Variants in KIF20B observed in about 807,000 individuals in gnomAD.
KIF20B encodes kinesin-like protein KIF20B.
In KIF20B, 188 loss-of-function variants were observed where a neutral mutation model predicts 232.5. The observed-to-expected ratio is 0.81, with a 90% confidence interval of 0.72 to 0.91. The LOEUF (loss-of-function observed/expected upper bound fraction) is 0.91, where lower values mean the gene tolerates loss of function less well. Among genes scored for constraint, KIF20B ranks in the 40% least tolerant of loss-of-function variants. The probability of loss-of-function intolerance (pLI) is 0.00; values close to 1 mark genes in which losing one functional copy is unlikely to be tolerated. For synonymous variants in KIF20B, 712 were observed against 683.0 expected (o/e 1.04, Z -0.66); for missense variants, 2,154 against 2,055.9 (o/e 1.05, Z -0.92).
chr10:89,748,053 A>G (rs1007243464), intron 23 of KIF20B, among the ~76,000 whole-genome samples: 2 of 152,204 alleles, frequency 1.3e-5, no homozygotes, highest in African/African-American at 4.8e-5. Flanking sequence ...CTTGTCATCC[A>G]GGCTGGAGTG....
Position 89,709,341 on chromosome 10 carries a change from C to T in KIF20B, c.235-4C>T. 1 of 1,609,472 alleles carries T rather than the reference C, an allele frequency of 6.2e-7. No homozygotes were observed. Among genetic ancestry groups the T allele is most frequent in the East Asian group, 2.2e-5 (1 of 44,774 alleles). On this transcript the variant is annotated splice_polypyrimidine_tract_variant and splice_region_variant and intron_variant, in intron 3 of 32. Transcript: ENST00000371728. Reference sequence around the variant, plus strand: ...TTTTTATTTATTGGGGGTATGTTTTCTAGGGCTGTGTGCATATTCTGGATT... The same window carrying T: ...TTTTTATTTATTGGGGGTATGTTTTTTAGGGCTGTGTGCATATTCTGGATT...
Position 89,714,069 on chromosome 10 carries a change from A to G in KIF20B, c.698A>G (p.Asp233Gly). 1 of 1,459,354 alleles carries G rather than the reference A, an allele frequency of 6.9e-7. No homozygotes were observed. Among genetic ancestry groups the G allele is most frequent in the Middle Eastern group, 1.8e-4 (1 of 5,638 alleles). The allele number at this position is 1,459,354 out of a possible 1,614,324, so 90.4% of individuals were successfully genotyped here. Residue 233 changes from aspartate (D) to glycine (G), a missense_variant, in exon 7 of 33, where the codon GAT (aspartate) becomes GGT (glycine). Coordinates refer to ENST00000371728, the MANE Select transcript of KIF20B (RefSeq NM_001284259.2). ...IKEVTVHNDS[D>G]DTLYGSLTNS... ...TAGGTTACTGTGCATAATGATAGTG[A>G]TGATACTCTTTATGGTAAGGTTTCG...
At position 89,737,669 on chromosome 10, in the gene KIF20B, C is replaced by G; in HGVS notation, c.2828C>G (p.Ala943Gly). 1 of 1,612,406 alleles carries G rather than the reference C, an allele frequency of 6.2e-7. No individual in the cohort carries two copies. ...VQQIQSNYDIAIAELHVQKSK... is the reference protein window; with the variant it reads ...VQQIQSNYDIGIAELHVQKSK... ...CAAATTCAGTCAAATTATGATATTGCAATTGCTGAATTACATGTGCAGAAA... is the reference window on the plus strand; with the variant it reads ...CAAATTCAGTCAAATTATGATATTGGAATTGCTGAATTACATGTGCAGAAA... Residue 943 changes from alanine to glycine, a missense_variant, in exon 20 of 33, where the codon GCA becomes GGA. Physicochemically the swap from Ala to Gly is moderately conservative, Grantham distance 60. Coordinates refer to ENST00000371728, the MANE Select transcript of KIF20B (RefSeq NM_001284259.2).
At chr10:89,766,284 A>G (rs1046541188) in intron 29 of KIF20B, 1 of 152,500 alleles carries the variant, frequency 6.6e-6, no homozygotes, top group African/African-American at 2.4e-5. Flanking sequence ...CTCCTCCTCC[A>G]AAGGAATGCA....
intron 14 of KIF20B, 113 bp from the exon 15 acceptor site, chr10:89,724,907 A>G: frequency 9.7e-7 from 1 of 1,025,688 alleles, no homozygotes; most frequent in Non-Finnish European, 1.4e-6. Context: ...GAACCACTGT[A>G]CCTGGACTAA....
chr10:89,736,552 C>T (rs1354404581), intron 19 of KIF20B, among the ~76,000 whole-genome samples: 1 of 152,098 alleles, frequency 6.6e-6, no homozygotes, highest in Non-Finnish European at 1.5e-5. Context: ...ACTTACATTA[C>T]GTATTAACTC....
chr10:89,718,473 T>C (rs998845987), intron 11 of KIF20B, among the ~76,000 whole-genome samples: 1 of 152,220 alleles, frequency 6.6e-6, no homozygotes, highest in African/African-American at 2.4e-5. Context: ...ATTGTGCCAC[T>C]GTACTCCAGT....
In KIF20B at chr10:89,714,044, T is replaced by C. The variant is rs1165875306; in HGVS notation, c.676-3T>C. ...TAATTTTTTAAAACAATCTTTTTTT[T>C]AGGTTACTGTGCATAATGATAGTGA... is the stretch of plus-strand genomic sequence containing the variant. On this transcript the variant is annotated splice_polypyrimidine_tract_variant and splice_region_variant and intron_variant, in intron 6 of 32. Transcript: ENST00000371728. 15 of 1,395,262 alleles carry C rather than the reference T, an allele frequency of 1.1e-5. No homozygotes were observed. Among genetic ancestry groups the C allele is most frequent in the Non-Finnish European group, 1.5e-5 (15 of 1,033,480 alleles). 86.4% of individuals were successfully genotyped at this position (1,395,262 alleles called of 1,614,324 possible).
chr10:89,757,040 G>GTGTGTGTGTGTGTGTGTATATATATATA (rs1301847520), intron 26 of KIF20B, among the ~76,000 whole-genome samples: 5 of 110,748 alleles, frequency 4.5e-5, no homozygotes, highest in African/African-American at 1.3e-4. Flanking sequence ...GTGTGTGTGT[G>GTGTGTGTGTGTGTGTGTATATATATATA]TATATATATA....
intron 31 of KIF20B, among the ~76,000 whole-genome samples, chr10:89,771,859 G>T (rs956210214): frequency 6.6e-6 from 1 of 151,926 alleles, no homozygotes; most frequent in Non-Finnish European, 1.5e-5. Flanking sequence ...AGGAGCTGGT[G>T]CTTTCTCAGG....
intron 30 of KIF20B, 73 bp from the exon 31 acceptor site, chr10:89,768,665 A>G: frequency 7.3e-7 from 1 of 1,372,754 alleles, no homozygotes; most frequent in Non-Finnish European, 9.9e-7. Context: ...GGCCTCTTTA[A>G]TTCAGCTGTG....
At chr10:89,769,054 C>G (rs1169874302) in intron 31 of KIF20B, among the ~76,000 whole-genome samples, 166 bp downstream of exon 31, 1 of 151,828 alleles carries the variant, frequency 6.6e-6, no homozygotes, top group South Asian at 2.1e-4. Flanking sequence ...GATGATAGAT[C>G]TAGGTGTTCG....
intron 29 of KIF20B, among the ~76,000 whole-genome samples, chr10:89,764,587 T>G (rs1348211517): frequency 1.3e-5 from 2 of 152,162 alleles, no homozygotes; most frequent in Middle Eastern, 3.2e-3. Context: ...TGATGGCCAT[T>G]CTAACTGGTG....
intron 13 of KIF20B, 187 bp from the exon 14 acceptor site, chr10:89,723,777 C>T: frequency 4.1e-6 from 2 of 483,500 alleles, no homozygotes; most frequent in Non-Finnish European, 3.1e-6. Flanking sequence ...GTGGAAAGGC[C>T]AACCTGATTT....
At chr10:89,709,692 A>G (rs1021714767) in intron 4 of KIF20B, among the ~76,000 whole-genome samples, 34 of 151,776 alleles carry the variant, frequency 2.2e-4, no homozygotes, top group Non-Finnish European at 4.7e-4. Context: ...TTATTAATAT[A>G]TTTTTAAGAA....
chr10:89,736,895 C>G (rs1589866342), intron 19 of KIF20B, among the ~76,000 whole-genome samples: 1 of 152,066 alleles, frequency 6.6e-6, no homozygotes, highest in African/African-American at 2.4e-5. Context: ...TTTAACATGT[C>G]CCTTCTAATT....
intron 16 of KIF20B, 141 bp from the exon 17 acceptor site, chr10:89,727,715 T>C: frequency 3.0e-6 from 2 of 675,904 alleles, no homozygotes; most frequent in African/African-American, 1.9e-5. Flanking sequence ...ATGAGTAGGG[T>C]GTGCTTCTAG....
In KIF20B at chr10:89,731,652, G is replaced by A. The variant is rs530693636; in HGVS notation, c.2392-1251G>A. Among the ~76,000 whole-genome samples the A allele has an allele frequency of 8.4e-4, 128 of 152,260 alleles. 1 individual carries two copies. The highest frequency in any genetic ancestry group is 3.0e-3 in the African/African-American group (126 of 41,564). Reference sequence around the variant, plus strand: ...GAAGGATAGATTTTTGGTGAGGATTGTATATTTTGAAGCGGGGAAAAATGA... The same window carrying A: ...GAAGGATAGATTTTTGGTGAGGATTATATATTTTGAAGCGGGGAAAAATGA... On this transcript the variant is annotated intron_variant, in intron 18 of 32. Transcript: ENST00000371728.
chr10:89,767,339 AC>A (rs1564676704), intron 29 of KIF20B, among the ~76,000 whole-genome samples: 1 of 60,670 alleles, frequency 1.6e-5, no homozygotes, highest in Admixed American at 1.8e-4. Context: ...CTAGCCCCCC[AC>A]CCCCCGACAG....
Sources: gnomAD v4.1 joint callset for allele counts (sites outside exome capture counted in the v4.1 genomes callset) on GRCh38, gnomAD v4.1.1 for gene constraint, MANE v1.5 for transcripts, NCBI Gene and HGNC (gene_info 2026-07-23, HGNC 2026-07-21) for gene names.